The following PTAR1 variants were observed in gnomAD, a reference collection of about 807,000 sequenced individuals.
The protein encoded by PTAR1 is protein prenyltransferase alpha subunit repeat-containing protein 1.
In PTAR1, 17 loss-of-function variants were observed where a neutral mutation model predicts 45.5. The ratio of observed to expected loss-of-function variants is 0.37; its 90% CI spans 0.26 to 0.56. The LOEUF is 0.56. Ranked by LOEUF, PTAR1 falls within the 20% of genes least tolerant of loss-of-function variation. The pLI, the probability that PTAR1 is intolerant of heterozygous loss-of-function variation, is 0.77. For synonymous variants in PTAR1, 169 were observed against 171.3 expected (o/e 0.99, Z 0.11); for missense variants, 391 against 476.3 (o/e 0.82, Z 1.67).
intron 5 of PTAR1, among the ~76,000 whole-genome samples, chr9:69,731,424 T>A (rs1157788197): frequency 6.6e-6 from 1 of 152,142 alleles, no homozygotes; most frequent in Non-Finnish European, 1.5e-5. Context: ...CCGTAGTATA[T>A]AAGGAGCAAA....
At chr9:69,746,322 TTTGCTAAGTCA>T (rs1273140029) in intron 2 of PTAR1, among the ~76,000 whole-genome samples, 1 of 152,198 alleles carries the variant, frequency 6.6e-6, no homozygotes, top group Non-Finnish European at 1.5e-5. Context: ...GGTTAAGTAA[TTTGCTAAGTCA>T]TTGCTAAGTG....
At chr9:69,721,961 A>G (rs1183883009) in intron 6 of PTAR1, among the ~76,000 whole-genome samples, 1 of 152,150 alleles carries the variant, frequency 6.6e-6, no homozygotes, top group Non-Finnish European at 1.5e-5. Context: ...CTGGAACTGA[A>G]CCTGTGATAT....
chr9:69,723,800 C>T (rs545028834), intron 5 of PTAR1, among the ~76,000 whole-genome samples, 170 bp from the exon 6 acceptor site: 65 of 152,246 alleles, frequency 4.3e-4, no homozygotes, highest in East Asian at 3.1e-3. Context: ...AAGCTTAATA[C>T]ATGCGAATTT....
Position 69,718,329 on chromosome 9 carries a change from T to A in PTAR1, c.*13A>T, listed in dbSNP as rs1824813994. 1.9e-6 allele frequency: 3 copies of A among 1,571,540 alleles called. No homozygotes were observed. In the African/African-American group the frequency reaches 4.1e-5, roughly 21 times the overall value. Reference sequence around the variant, plus strand: ...CACTAAAAGGGGAACCTTGTAGGACTAATTCACCTCTTTCATTGACTCAAA... The same window carrying A: ...CACTAAAAGGGGAACCTTGTAGGACAAATTCACCTCTTTCATTGACTCAAA... On this transcript the variant is annotated 3_prime_UTR_variant, in exon 8 of 8. Coordinates refer to ENST00000340434, the MANE Select transcript of PTAR1 (RefSeq NM_001099666.2).
At chr9:69,759,518 G>A (rs898181584) in intron 1 of PTAR1, among the ~76,000 whole-genome samples, 1 of 152,142 alleles carries the variant, frequency 6.6e-6, no homozygotes. Context: ...GTGTGCGCCC[G>A]AGTACCTTAA....
intron 6 of PTAR1, among the ~76,000 whole-genome samples, chr9:69,721,585 A>G (rs141082924): frequency 1.7e-3 from 257 of 152,344 alleles, no homozygotes; most frequent in African/African-American, 5.8e-3. Flanking sequence ...GTCAAACAGC[A>G]TCACACACTA....
In PTAR1 at chr9:69,734,147, C is replaced by G. The variant is rs1335363351; in HGVS notation, c.428+3G>C. 1 of 1,502,794 alleles carries G rather than the reference C, an allele frequency of 6.7e-7. No homozygotes were observed. The highest frequency in any genetic ancestry group is 9.2e-7 in the Non-Finnish European group (1 of 1,081,412). The allele number at this position is 1,502,794 out of a possible 1,614,324, so 93.1% of individuals were successfully genotyped here. On this transcript the variant is annotated splice_donor_region_variant and intron_variant, in intron 4 of 7. Transcript: ENST00000340434. ...AGAGTACTATGTTGTAAATTAACCA[C>G]ACCTGTGAATCCATGTTTCTGGACT...
chr9:69,744,379 T>C lies in PTAR1; in HGVS notation c.257-2521A>G, dbSNP rs940501688. 1.8e-4 allele frequency among the ~76,000 whole-genome samples: 26 copies of C among 145,302 alleles called. 2 individuals carry two copies. The highest frequency in any genetic ancestry group is 1.2e-3 in the Admixed American group (17 of 13,726). The stretch of plus-strand genomic sequence containing the variant: ...TACCTAGTTGGAAAAAAATCTTTCA[T>C]CTCTGCTTTTTTTTTTTTTTCTCTG... On this transcript the variant is annotated intron_variant, in intron 2 of 7. Coordinates refer to ENST00000340434, the MANE Select transcript of PTAR1 (RefSeq NM_001099666.2).
chr9:69,754,784 G>A (rs1226820527), intron 1 of PTAR1, among the ~76,000 whole-genome samples: 1 of 150,618 alleles, frequency 6.6e-6, no homozygotes, highest in Non-Finnish European at 1.5e-5. Flanking sequence ...CAAACTCCTG[G>A]CCTCAAGTGA....
rs1034110747 is a variant in PTAR1 at position 69,717,462 on chromosome 9, C to A, written c.*880G>T. On this transcript the variant is annotated 3_prime_UTR_variant, in exon 8 of 8. Transcript: ENST00000340434. ...CAATAAAAATAATTTTCCTTTACTGCAATTACATAAACTCTTAAGTTAGTT... is the reference window on the plus strand; with the variant it reads ...CAATAAAAATAATTTTCCTTTACTGAAATTACATAAACTCTTAAGTTAGTT... 1 of 152,092 alleles carries A rather than the reference C, an allele frequency of 6.6e-6. No individual in the cohort carries two copies. Among genetic ancestry groups the A allele is most frequent in the Non-Finnish European group, 1.5e-5 (1 of 68,016 alleles). 9.4% of individuals were successfully genotyped at this position (152,092 alleles called of 1,614,324 possible). A position where few individuals can be genotyped will look rare whatever the true frequency, so the allele number is the denominator to read the frequency against.
intron 1 of PTAR1, 32 bp downstream of exon 1, chr9:69,759,821 A>G: frequency 6.6e-7 from 1 of 1,506,004 alleles, no homozygotes; most frequent in Non-Finnish European, 8.9e-7. Flanking sequence ...GCTCCCGACG[A>G]CCCTCGGAGG....
At chr9:69,725,884 A>C (rs969774927) in intron 5 of PTAR1, among the ~76,000 whole-genome samples, 2 of 152,166 alleles carry the variant, frequency 1.3e-5, no homozygotes, top group East Asian at 3.9e-4. Flanking sequence ...CTGATGGGAT[A>C]AATGACCTTC....
chr9:69,733,093 C>T (rs900987420), intron 4 of PTAR1, among the ~76,000 whole-genome samples: 1 of 152,132 alleles, frequency 6.6e-6, no homozygotes, highest in African/African-American at 2.4e-5. Context: ...AGAAAACTCA[C>T]TTTGTCATTT....
chr9:69,740,278 C>T (rs1825982783), intron 3 of PTAR1, among the ~76,000 whole-genome samples: 1 of 151,252 alleles, frequency 6.6e-6, no homozygotes, highest in Non-Finnish European at 1.5e-5. Flanking sequence ...TTTTTGAATT[C>T]CTCTCTATTG....
chr9:69,736,449 T>G (rs930408404), intron 3 of PTAR1, among the ~76,000 whole-genome samples: 1 of 152,056 alleles, frequency 6.6e-6, no homozygotes, highest in Admixed American at 6.6e-5. Flanking sequence ...CCCAGCTACT[T>G]GGGAGGCTGA....
At chr9:69,731,924 C>T (rs1825556324) in intron 5 of PTAR1, 3 of 567,682 alleles carry the variant, frequency 5.3e-6, no homozygotes, top group African/African-American at 3.8e-5. Flanking sequence ...TTTACCAATG[C>T]ACTAGCCTTA....
In PTAR1 at chr9:69,718,125, T is replaced by C; in HGVS notation, c.*217A>G. ...GTTAAACAGAAAATTTAAGACTCGC[T>C]GTTCAGCAGGAAGGAACTATACGAT... On this transcript the variant is annotated 3_prime_UTR_variant, in exon 8 of 8. Transcript: ENST00000340434. 2.3e-6 allele frequency: 1 copy of C among 442,634 alleles called. No homozygotes were observed. The highest frequency in any genetic ancestry group is 4.0e-6 in the Non-Finnish European group (1 of 249,410). The allele number at this position is 442,634 out of a possible 1,614,324, so 27.4% of individuals were successfully genotyped here. A position where few individuals can be genotyped will look rare whatever the true frequency, so the allele number is the denominator to read the frequency against.
At chr9:69,730,956 A>G (rs1306209330) in intron 5 of PTAR1, among the ~76,000 whole-genome samples, 1 of 152,140 alleles carries the variant, frequency 6.6e-6, no homozygotes, top group African/African-American at 2.4e-5. Context: ...GGCAGACAGT[A>G]GAGTCCCTAT....
At chr9:69,733,858 T>C (rs1283556346) in intron 4 of PTAR1, among the ~76,000 whole-genome samples, 1 of 152,196 alleles carries the variant, frequency 6.6e-6, no homozygotes, top group Non-Finnish European at 1.5e-5. Flanking sequence ...TGCCAGGCAC[T>C]GTGGGAGTGT....
Sources: gnomAD v4.1 joint callset for allele counts (sites outside exome capture counted in the v4.1 genomes callset) on GRCh38, gnomAD v4.1.1 for gene constraint, MANE v1.5 for transcripts, NCBI Gene and HGNC (gene_info 2026-07-23, HGNC 2026-07-21) for gene names.